The following SYK variants were observed in gnomAD, a reference collection of about 807,000 sequenced individuals.
SYK encodes the protein tyrosine-protein kinase SYK.
A neutral mutation model predicts 77.8 loss-of-function variants in SYK; 16 were observed. That is an observed-to-expected ratio of 0.21 (90% CI 0.14 to 0.31). The LOEUF (loss-of-function observed/expected upper bound fraction) is 0.31, where lower values mean the gene tolerates loss of function less well. SYK is among the 10% of genes least tolerant of loss of function. The pLI is 1.00. For synonymous variants in SYK, 312 were observed against 308.7 expected (o/e 1.01, Z -0.11); for missense variants, 529 against 814.4 (o/e 0.65, Z 4.26).
chr9:90,822,582 T>C (rs991448231), intron 1 of SYK, among the ~76,000 whole-genome samples: 5 of 152,216 alleles, frequency 3.3e-5, no homozygotes, highest in Non-Finnish European at 7.3e-5. Context: ...GTATGGCAGA[T>C]TTACTTGCAC....
chr9:90,874,628 G>A, intron 8 of SYK, 44 bp from the exon 9 acceptor site: 2 of 1,573,422 alleles, frequency 1.3e-6, no homozygotes, highest in Non-Finnish European at 1.7e-6. Context: ...GAATCCTGGT[G>A]TGGGGTCCAG....
intron 1 of SYK, among the ~76,000 whole-genome samples, chr9:90,821,982 A>G (rs1825535228): frequency 6.6e-6 from 1 of 152,144 alleles, no homozygotes. Flanking sequence ...AGGTGCCTTT[A>G]CACAGAAACA....
At chr9:90,871,452 G>A (rs1182545476) in intron 7 of SYK, among the ~76,000 whole-genome samples, 2 of 152,138 alleles carry the variant, frequency 1.3e-5, no homozygotes, top group Admixed American at 1.3e-4. Flanking sequence ...CATTTTTTAA[G>A]AATAGTATTT....
At chr9:90,829,054 GC>G (rs1260230576) in intron 1 of SYK, among the ~76,000 whole-genome samples, 1 of 152,228 alleles carries the variant, frequency 6.6e-6, no homozygotes, top group African/African-American at 2.4e-5. Context: ...ACTTTGGGAT[GC>G]CGAGGTGGGC....
At chr9:90,830,259 G>A (rs886922840) in intron 1 of SYK, among the ~76,000 whole-genome samples, 5 of 152,232 alleles carry the variant, frequency 3.3e-5, no homozygotes, top group Admixed American at 2.0e-4. Flanking sequence ...GGATGGCGCC[G>A]TGGAGGGCAA....
chr9:90,834,563 C>T (rs534970169), intron 1 of SYK, among the ~76,000 whole-genome samples: 34 of 152,258 alleles, frequency 2.2e-4, no homozygotes, highest in African/African-American at 7.9e-4. Flanking sequence ...CCAGCCTTGT[C>T]TTTTGTTCAT....
At chr9:90,812,802 A>G (rs1236588828) in intron 1 of SYK, among the ~76,000 whole-genome samples, 1 of 146,246 alleles carries the variant, frequency 6.8e-6, no homozygotes, top group Non-Finnish European at 1.5e-5. Context: ...TGAGAGAGAG[A>G]GGGCTCGTGT....
chr9:90,886,967 T>C (rs1564124887), intron 11 of SYK, among the ~76,000 whole-genome samples: 1 of 152,178 alleles, frequency 6.6e-6, no homozygotes, highest in East Asian at 1.9e-4. Context: ...TTACTTAGGG[T>C]ACACCCTATG....
intron 1 of SYK, among the ~76,000 whole-genome samples, chr9:90,836,809 A>G (rs188193648): frequency 6.6e-6 from 1 of 152,350 alleles, no homozygotes; most frequent in African/African-American, 2.4e-5. Flanking sequence ...AAGTCATGAC[A>G]TTATAAGAAA....
intron 13 of SYK, among the ~76,000 whole-genome samples, chr9:90,890,078 T>C (rs1238960804): frequency 6.6e-6 from 1 of 150,870 alleles, no homozygotes; most frequent in African/African-American, 2.4e-5. Context: ...AGTGGGGGAG[T>C]TTTTGCATTT....
At chr9:90,844,829 A>C (rs1826522049) in intron 2 of SYK, among the ~76,000 whole-genome samples, 1 of 152,266 alleles carries the variant, frequency 6.6e-6, no homozygotes. Context: ...AACGCTGCTA[A>C]CAACATTGCT....
chr9:90,862,608 G>T (rs534627046), intron 4 of SYK, among the ~76,000 whole-genome samples: 5 of 152,320 alleles, frequency 3.3e-5, no homozygotes, highest in Admixed American at 2.6e-4. Context: ...GTCATGTGAG[G>T]TGAACGAAGG....
chr9:90,891,028 A>G (rs1358901828), intron 13 of SYK, among the ~76,000 whole-genome samples: 2 of 152,192 alleles, frequency 1.3e-5, no homozygotes, highest in Non-Finnish European at 2.9e-5. Flanking sequence ...CATAGGGCCC[A>G]AAGATCGGTT....
At chr9:90,854,350 G>A (rs1826939137) in intron 3 of SYK, among the ~76,000 whole-genome samples, 3 of 152,170 alleles carry the variant, frequency 2.0e-5, no homozygotes, top group Non-Finnish European at 4.4e-5. Context: ...GATGTCTGGA[G>A]AGAAACTGAG....
chr9:90,888,435 T>C lies in SYK; in HGVS notation c.1723-80T>C, dbSNP rs1335150669. On this transcript the variant is annotated intron_variant, in intron 12 of 13. Transcript: ENST00000375754. ...AAATCATACAATGTGTACTCCTTCA[T>C]GTCTTGGAGTGGCTGTTTTGTTTTG... is the stretch of plus-strand genomic sequence containing the variant. 15 of 960,054 alleles carry C rather than the reference T, an allele frequency of 1.6e-5. No individual in the cohort carries two copies. The East Asian group carries it at 3.7e-4, about 24-fold the overall frequency. The allele number at this position is 960,054 out of a possible 1,614,324, so 59.5% of individuals were successfully genotyped here.
chr9:90,865,054 T>C lies in SYK; in HGVS notation c.803T>C (p.Val268Ala). Residue 268 changes from valine (V) to alanine (A), a missense_variant, in exon 6 of 14, where the codon GTT becomes GCT. Coordinates refer to ENST00000375754, the MANE Select transcript of SYK (RefSeq NM_003177.7). ...PCQKIGTQGN[V>A]NFGGRPQLPG... ...CCATGCTCTCTCTAACCAGGAAATGTTAATTTTGGAGGCCGTCCACAACTT... is the reference window on the plus strand; with the variant it reads ...CCATGCTCTCTCTAACCAGGAAATGCTAATTTTGGAGGCCGTCCACAACTT... 1 of 1,614,192 alleles carries C rather than the reference T, an allele frequency of 6.2e-7. No individual in the cohort carries two copies. Among genetic ancestry groups the C allele is most frequent in the Non-Finnish European group, 8.5e-7 (1 of 1,180,014 alleles).
chr9:90,839,231 A>G (rs1826202614), intron 1 of SYK, among the ~76,000 whole-genome samples: 1 of 152,164 alleles, frequency 6.6e-6, no homozygotes, highest in Non-Finnish European at 1.5e-5. Flanking sequence ...TATTCCCCCA[A>G]TTAAGTAGCC....
intron 1 of SYK, among the ~76,000 whole-genome samples, chr9:90,804,005 C>G (rs1824719245): frequency 1.4e-5 from 2 of 145,662 alleles, no homozygotes; most frequent in Non-Finnish European, 3.0e-5. Flanking sequence ...GAGAGCTTCT[C>G]TAAGACTTAC....
chr9:90,889,817 G>A (rs1828720875), intron 13 of SYK, among the ~76,000 whole-genome samples: 1 of 152,230 alleles, frequency 6.6e-6, no homozygotes, highest in South Asian at 2.1e-4. Flanking sequence ...TTATTCCTAA[G>A]TCTTGGCTTA....
Sources: allele counts gnomAD v4.1 joint callset (sites outside exome capture counted in the v4.1 genomes callset), GRCh38; gene constraint gnomAD v4.1.1; transcripts MANE v1.5; gene names NCBI Gene and HGNC (gene_info 2026-07-23, HGNC 2026-07-21).